GRB10: variants seen among roughly 807,000 people sequenced by gnomAD.
GRB10 encodes the protein growth factor receptor bound protein 10, also known as growth factor receptor-bound protein 10.
GRB10 carries 20 observed loss-of-function variants against 80.9 expected under a neutral mutation model. That is an observed-to-expected ratio of 0.25 (90% CI 0.17 to 0.36). The LOEUF (loss-of-function observed/expected upper bound fraction) is 0.36. GRB10 is among the 10% of genes least tolerant of loss of function. The pLI, the probability that GRB10 is intolerant of heterozygous loss-of-function variation, is 1.00. For synonymous variants in GRB10, 291 were observed against 291.5 expected, an observed-to-expected ratio of 1.00 and a Z score of 0.02; for missense variants, 548 against 747.7, an observed-to-expected ratio of 0.73 and a Z score of 3.12.
chr7:50,730,402 G>A (rs2069475253), intron 4 of GRB10, among the ~76,000 whole-genome samples: 2 of 152,286 alleles, frequency 1.3e-5, no homozygotes, highest in Admixed American at 6.5e-5. Context: ...ATAAAACTCT[G>A]GAGATTTATC....
At chr7:50,729,006 T>C (rs568896490) in intron 4 of GRB10, among the ~76,000 whole-genome samples, 108 of 151,946 alleles carry the variant, frequency 7.1e-4, no homozygotes, top group African/African-American at 2.1e-3. Context: ...CAGATTGCAG[T>C]TCGTCAAGCC....
At chr7:50,606,509 G>A (rs1029644894) in intron 13 of GRB10, 95 bp from the exon 14 acceptor site, 20 of 861,302 alleles carry the variant, frequency 2.3e-5, no homozygotes, top group South Asian at 6.7e-5. Context: ...TGTTGAGTGC[G>A]GAACAGGGAG....
chr7:50,612,107 T>C (rs2049648026), intron 13 of GRB10, among the ~76,000 whole-genome samples: 1 of 152,324 alleles, frequency 6.6e-6, no homozygotes, highest in Middle Eastern at 3.4e-3. Flanking sequence ...ACGTGATAAA[T>C]TTCCTTTAGA....
chr7:50,753,763 T>C (rs537537510), intron 3 of GRB10, among the ~76,000 whole-genome samples: 2 of 152,324 alleles, frequency 1.3e-5, no homozygotes, highest in Admixed American at 6.5e-5. Flanking sequence ...TTTGTTTCAA[T>C]GCCATGTCCA....
Position 50,605,387 on chromosome 7 carries a change from G to C in GRB10, c.1292C>G (p.Ser431Cys). ...STPVRSVSEN[S>C]LVAMDFSGQT... ...CCCAGAAAAATCCATTGCCACGAGG[G>C]AGTTCTCGGAGACACTGCGCTGAAA... is the stretch of plus-strand genomic sequence containing the variant. The change falls in exon 15 of 19, where the codon TCC becomes TGC. Residue 431 changes from serine to cysteine, a missense_variant. By Grantham distance (112) the Ser-to-Cys change is moderately radical. Transcript: ENST00000401949. The C allele has an allele frequency of 6.2e-7, 1 of 1,614,192 alleles. No homozygotes were observed. Among genetic ancestry groups the C allele is most frequent in the Non-Finnish European group, 8.5e-7 (1 of 1,179,992 alleles).
intron 7 of GRB10, among the ~76,000 whole-genome samples, chr7:50,660,356 T>A (rs2059129993): frequency 1.3e-5 from 2 of 151,902 alleles, no homozygotes. Flanking sequence ...GGCACAGCCA[T>A]GGAGCCATGT....
chr7:50,642,835 A>G (rs750623366), intron 7 of GRB10, among the ~76,000 whole-genome samples: 1 of 152,180 alleles, frequency 6.6e-6, no homozygotes, highest in African/African-American at 2.4e-5. Flanking sequence ...CAAATTTGGA[A>G]ACTAAATAAG....
At chr7:50,775,991 C>T (rs1392551393) in intron 2 of GRB10, among the ~76,000 whole-genome samples, 2 of 152,198 alleles carry the variant, frequency 1.3e-5, no homozygotes, top group East Asian at 1.9e-4. Context: ...GTTCTGTTCC[C>T]TGGGCCTTGG....
intron 3 of GRB10, among the ~76,000 whole-genome samples, chr7:50,738,159 G>A (rs1301453897): frequency 1.3e-5 from 2 of 152,210 alleles, no homozygotes; most frequent in Admixed American, 6.5e-5. Context: ...CCTGAGCATT[G>A]CTGGTAGGCA....
intron 18 of GRB10, among the ~76,000 whole-genome samples, chr7:50,594,715 C>G (rs1356790223): frequency 6.6e-6 from 1 of 152,112 alleles, no homozygotes; most frequent in Non-Finnish European, 1.5e-5. Context: ...ATCTAGCACT[C>G]TAATCATGAA....
chr7:50,728,829 CCTGA>C (rs1166811095), intron 4 of GRB10, among the ~76,000 whole-genome samples: 2 of 152,124 alleles, frequency 1.3e-5, no homozygotes, highest in Non-Finnish European at 2.9e-5. Flanking sequence ...CGCCACCACG[CCTGA>C]CTAATTTTTG....
intron 3 of GRB10, among the ~76,000 whole-genome samples, chr7:50,734,178 G>A (rs551461531): frequency 1.3e-5 from 2 of 152,042 alleles, no homozygotes; most frequent in South Asian, 4.1e-4. Context: ...CTGCCAGATC[G>A]CAGGACCATG....
chr7:50,643,859 C>T (rs145815489), intron 7 of GRB10, among the ~76,000 whole-genome samples: 35 of 152,260 alleles, frequency 2.3e-4, no homozygotes, highest in Middle Eastern at 3.4e-3. Flanking sequence ...ATTGGGGAAT[C>T]AGGGTAAAGA....
At chr7:50,610,980 C>T (rs897353252) in intron 13 of GRB10, among the ~76,000 whole-genome samples, 1 of 150,218 alleles carries the variant, frequency 6.7e-6, no homozygotes, top group African/African-American at 2.4e-5. Context: ...TACCACTTTC[C>T]TTTTTCATTT....
chr7:50,703,016 T>C (rs1203522810), intron 5 of GRB10, among the ~76,000 whole-genome samples: 1 of 152,254 alleles, frequency 6.6e-6, no homozygotes, highest in Non-Finnish European at 1.5e-5. Flanking sequence ...CCCCGCATCA[T>C]GTCACTTCAA....
intron 5 of GRB10, among the ~76,000 whole-genome samples, chr7:50,703,490 A>G (rs1436841235): frequency 6.6e-6 from 1 of 152,230 alleles, no homozygotes; most frequent in African/African-American, 2.4e-5. Flanking sequence ...CTTAATTGGA[A>G]ACATAAAAAT....
intron 3 of GRB10, among the ~76,000 whole-genome samples, chr7:50,751,194 T>A (rs2074051479): frequency 6.6e-6 from 1 of 151,994 alleles, no homozygotes; most frequent in Admixed American, 6.5e-5. Context: ...CCCACAGCCA[T>A]GTCCAAACCA....
upstream of GRB10, among the ~76,000 whole-genome samples, chr7:50,787,281 A>AGGC (rs1453462649): frequency 4.0e-5 from 6 of 151,740 alleles, no homozygotes; most frequent in African/African-American, 1.5e-4. Flanking sequence ...GAGGAGGAGG[A>AGGC]GGAGGAGGAG....
intron 5 of GRB10, among the ~76,000 whole-genome samples, chr7:50,686,165 C>A (rs911081991): frequency 6.6e-6 from 1 of 152,078 alleles, no homozygotes; most frequent in Non-Finnish European, 1.5e-5. Context: ...GGAGGTGGGG[C>A]CTTTGGGAGG....
Sources: gnomAD v4.1 joint callset for allele counts (sites outside exome capture counted in the v4.1 genomes callset) on GRCh38, gnomAD v4.1.1 for gene constraint, MANE v1.5 for transcripts, NCBI Gene and HGNC (gene_info 2026-07-23, HGNC 2026-07-21) for gene names.